The following RALYL variants were observed in gnomAD, a reference collection of about 807,000 sequenced individuals.
The protein encoded by RALYL is RALY RNA binding protein like.
RALYL carries 29 observed loss-of-function variants against 35.1 expected under a neutral mutation model. The observed-to-expected ratio is 0.83, with a 90% CI of 0.61 to 1.13. The LOEUF (loss-of-function observed/expected upper bound fraction) is 1.13. Ranked by LOEUF, RALYL falls within the 50% of genes most tolerant of loss-of-function variation. The pLI is 0.00. For missense variants in RALYL, 359 were observed against 360.4 expected, an observed-to-expected ratio of 1.00 and a Z score of 0.03; for synonymous variants, 120 against 127.6, an observed-to-expected ratio of 0.94 and a Z score of 0.40.
chr8:84,890,124 T>C (rs146670439), intron 8 of RALYL, among the ~76,000 whole-genome samples: 317 of 152,200 alleles, frequency 2.1e-3, no homozygotes, highest in African/African-American at 7.4e-3. Context: ...AGAGTGTGAA[T>C]GTTAAGTTGT....
chr8:84,830,236 A>C (rs889822912), intron 4 of RALYL, among the ~76,000 whole-genome samples: 1 of 152,170 alleles, frequency 6.6e-6, no homozygotes, highest in African/African-American at 2.4e-5. Flanking sequence ...TGCGAGTATT[A>C]ATTAGGAGGT....
chr8:84,344,149 A>G (rs1317479006), intron 1 of RALYL, among the ~76,000 whole-genome samples: 1 of 152,010 alleles, frequency 6.6e-6, no homozygotes, highest in Admixed American at 6.6e-5. Flanking sequence ...TCTTTAGTTT[A>G]TATTTTATAA....
chr8:84,602,751 C>T (rs1479220744), intron 2 of RALYL, among the ~76,000 whole-genome samples: 6 of 152,136 alleles, frequency 3.9e-5, no homozygotes, highest in African/African-American at 1.4e-4. Flanking sequence ...TAACTAACTG[C>T]TGGGGCTACA....
intron 1 of RALYL, among the ~76,000 whole-genome samples, chr8:84,259,530 A>G (rs962869338): frequency 5.3e-5 from 8 of 152,314 alleles, no homozygotes; most frequent in Non-Finnish European, 7.4e-5. Context: ...TAAATGTGAG[A>G]CCAGAATACA....
At chr8:84,620,807 C>G (rs571959439) in intron 2 of RALYL, among the ~76,000 whole-genome samples, 15 of 152,184 alleles carry the variant, frequency 9.9e-5, no homozygotes, top group East Asian at 3.9e-4. Flanking sequence ...AGTTTTCCTT[C>G]TAACAGACAG....
At chr8:84,729,496 AT>A (rs1211934899) in intron 2 of RALYL, among the ~76,000 whole-genome samples, 1 of 152,108 alleles carries the variant, frequency 6.6e-6, no homozygotes, top group Non-Finnish European at 1.5e-5. Context: ...GAGCAAACAC[AT>A]TCAAAAGCTA....
At chr8:84,742,115 G>T (rs1807502071) in intron 2 of RALYL, among the ~76,000 whole-genome samples, 1 of 151,944 alleles carries the variant, frequency 6.6e-6, no homozygotes, top group South Asian at 2.1e-4. Context: ...TCTATTACAA[G>T]TTTAGGTAGG....
intron 2 of RALYL, among the ~76,000 whole-genome samples, chr8:84,547,758 A>C (rs1324186623): frequency 6.6e-6 from 1 of 152,182 alleles, no homozygotes; most frequent in Non-Finnish European, 1.5e-5. Flanking sequence ...TTTGTGGGAT[A>C]ATATGCCACA....
intron 1 of RALYL, among the ~76,000 whole-genome samples, chr8:84,470,865 C>G (rs902297499): frequency 6.6e-6 from 1 of 152,148 alleles, no homozygotes; most frequent in African/African-American, 2.4e-5. Flanking sequence ...TCAAACTTGG[C>G]TTGTTAGTAT....
chr8:84,304,954 T>C (rs536362008), intron 1 of RALYL, among the ~76,000 whole-genome samples: 1 of 152,324 alleles, frequency 6.6e-6, no homozygotes, highest in African/African-American at 2.4e-5. Context: ...AAAGCTTTTA[T>C]TGTTCAGTTA....
chr8:84,459,677 G>A (rs1318067516), intron 1 of RALYL, among the ~76,000 whole-genome samples: 1 of 151,748 alleles, frequency 6.6e-6, no homozygotes, highest in Admixed American at 6.6e-5. Flanking sequence ...TGTTTTGATG[G>A]CTTCTATTTT....
chr8:84,297,699 C>T (rs1840024734), intron 1 of RALYL, among the ~76,000 whole-genome samples: 1 of 152,094 alleles, frequency 6.6e-6, no homozygotes, highest in African/African-American at 2.4e-5. Flanking sequence ...TCTCTGCAGC[C>T]TTGCCAGCAT....
chr8:84,243,500 ACT>A (rs1491334744), intron 1 of RALYL, among the ~76,000 whole-genome samples: 1 of 89,378 alleles, frequency 1.1e-5, no homozygotes, highest in African/African-American at 4.7e-5. Flanking sequence ...TCTCTCTCAC[ACT>A]TTTTTTTTTT....
chr8:84,891,782 C>T (rs2135466304), intron 8 of RALYL, among the ~76,000 whole-genome samples: 1 of 152,312 alleles, frequency 6.6e-6, no homozygotes, highest in South Asian at 2.1e-4. Flanking sequence ...CTGTTATCTC[C>T]TTTCCAGGCT....
At chr8:84,668,827 GA>G (rs1832606837) in intron 2 of RALYL, among the ~76,000 whole-genome samples, 1 of 152,032 alleles carries the variant, frequency 6.6e-6, no homozygotes, top group Non-Finnish European at 1.5e-5. Context: ...GATATTAAAG[GA>G]TTTTTTTAAA....
intron 1 of RALYL, among the ~76,000 whole-genome samples, chr8:84,467,641 T>C (rs565781813): frequency 2.5e-4 from 38 of 152,080 alleles, no homozygotes; most frequent in Non-Finnish European, 4.6e-4. Flanking sequence ...TGGACAGTTC[T>C]GTAGATGTCT....
rs182258696 is a variant in RALYL, at chr8:84,478,643, C to T, written c.-23-50656C>T. Among the ~76,000 whole-genome samples the T allele has an allele frequency of 1.9e-3, 284 of 152,164 alleles. 6 individuals carry two copies. The highest frequency in any genetic ancestry group is 0.018 in the Admixed American group (281 of 15,272). On this transcript the variant is annotated intron_variant, in intron 1 of 8. Transcript: ENST00000521268. Reference sequence around the variant, plus strand: ...TCCTCTAATCTTAATAAAACCCTAGCTATTTTAGTGAGTATTCCACATAGG... The same window carrying T: ...TCCTCTAATCTTAATAAAACCCTAGTTATTTTAGTGAGTATTCCACATAGG...
chr8:84,344,991 C>G (rs1849548762), intron 1 of RALYL, among the ~76,000 whole-genome samples: 1 of 151,932 alleles, frequency 6.6e-6, no homozygotes, highest in South Asian at 2.1e-4. Context: ...GTAAATAATG[C>G]TGGAGTGAAC....
chr8:84,250,512 T>A (rs7846520), intron 1 of RALYL, among the ~76,000 whole-genome samples: 66,364 of 151,770 alleles, frequency 0.44, 14,665 homozygotes, highest in East Asian at 0.53. Context: ...ATTACAAGTG[T>A]CCACCACCCA....
Sources: gnomAD v4.1 joint callset for allele counts (sites outside exome capture counted in the v4.1 genomes callset) on GRCh38, gnomAD v4.1.1 for gene constraint, MANE v1.5 for transcripts, NCBI Gene and HGNC (gene_info 2026-07-23, HGNC 2026-07-21) for gene names.